The following STK17B variants were observed in gnomAD, a reference collection of about 807,000 sequenced individuals.
STK17B encodes the protein serine/threonine kinase 17b.
STK17B carries 21 observed loss-of-function variants against 42.0 expected under a neutral mutation model. That is an observed-to-expected ratio of 0.50 (90% CI 0.35 to 0.72). The LOEUF is 0.72. Among genes scored for constraint, STK17B ranks in the 30% least tolerant of loss-of-function variants. The probability of loss-of-function intolerance (pLI) is 0.00; values close to 1 mark genes in which losing one functional copy is unlikely to be tolerated. For missense variants in STK17B, 349 were observed against 446.0 expected, an observed-to-expected ratio of 0.78 and a Z score of 1.96; for synonymous variants, 143 against 148.4, an observed-to-expected ratio of 0.96 and a Z score of 0.26.
At chr2:196,159,027 A>T (rs961665471) in intron 2 of STK17B, among the ~76,000 whole-genome samples, 2 of 151,750 alleles carry the variant, frequency 1.3e-5, no homozygotes, top group Non-Finnish European at 2.9e-5. Flanking sequence ...AAAAAAAACA[A>T]AAAAACAGTT....
At chr2:196,174,632 A>G (rs570150924), upstream of STK17B, among the ~76,000 whole-genome samples, 1 of 152,302 alleles carries the variant, frequency 6.6e-6, no homozygotes, top group Admixed American at 6.5e-5. Flanking sequence ...CCCCCCACCC[A>G]ACAGGGGTGC....
chr2:196,138,656 A>G (rs1575169564), intron 7 of STK17B, among the ~76,000 whole-genome samples: 1 of 151,896 alleles, frequency 6.6e-6, no homozygotes, highest in Admixed American at 6.5e-5. Flanking sequence ...GCTCACCACA[A>G]CCTCTGCTTT....
chr2:196,164,348 G>C (rs1699851339), intron 1 of STK17B, among the ~76,000 whole-genome samples: 1 of 152,098 alleles, frequency 6.6e-6, no homozygotes, highest in Non-Finnish European at 1.5e-5. Context: ...TAATTTTGTT[G>C]GAAGAGTGAC....
At chr2:196,167,120 C>T (rs1050645711) in intron 1 of STK17B, among the ~76,000 whole-genome samples, 4 of 152,224 alleles carry the variant, frequency 2.6e-5, no homozygotes, top group Non-Finnish European at 5.9e-5. Context: ...TCTTCTTACA[C>T]ATCCTTCAAA....
At chr2:196,171,272 A>T (rs1699939225) in intron 1 of STK17B, 61 bp downstream of exon 1, 1 of 152,498 alleles carries the variant, frequency 6.6e-6, no homozygotes, top group East Asian at 1.9e-4. Context: ...AGGTCTCTGT[A>T]CCGAGGCGGC....
intron 3 of STK17B, chr2:196,153,871 AT>A (rs1699701719): frequency 2.6e-5 from 4 of 152,220 alleles, no homozygotes; most frequent in Non-Finnish European, 4.4e-5. Context: ...CATGTGTTAG[AT>A]TAATTTAAAA....
chr2:196,156,705 G>GT (rs1486296257), intron 2 of STK17B, 54 bp from the exon 3 acceptor site: 2 of 1,353,510 alleles, frequency 1.5e-6, no homozygotes, highest in African/African-American at 2.9e-5. Flanking sequence ...AACAACGTTA[G>GT]TATATTACAG....
upstream of STK17B, among the ~76,000 whole-genome samples, chr2:196,171,839 G>A (rs1014981273): frequency 4.0e-5 from 6 of 151,292 alleles, no homozygotes; most frequent in African/African-American, 1.2e-4. Context: ...GGGCGGAGGG[G>A]GCGGCGCTGC....
chr2:196,146,253 T>C (rs1559410220), intron 3 of STK17B, among the ~76,000 whole-genome samples, 198 bp from the exon 4 acceptor site: 2 of 152,178 alleles, frequency 1.3e-5, no homozygotes, highest in Non-Finnish European at 1.5e-5. Flanking sequence ...ATGTCTGTAA[T>C]ACCAGCACTT....
chr2:196,173,042 A>G (rs979296538), upstream of STK17B, among the ~76,000 whole-genome samples: 4 of 152,108 alleles, frequency 2.6e-5, no homozygotes, highest in South Asian at 6.2e-4. Context: ...TCAACATTTC[A>G]TCAATTGCCA....
rs1699406110 is a variant in STK17B at position 196,136,390 on chromosome 2, T to C, written c.*1057A>G. On this transcript the variant is annotated 3_prime_UTR_variant, in exon 8 of 8. Transcript: ENST00000263955. ...TGAGCCTCCTCACTCACTAGGAATT[T>C]CACACAAGAACTTCAGACGAGCCTG... The C allele has an allele frequency of 1.3e-5, 2 of 152,582 alleles. No homozygotes were observed. Among genetic ancestry groups the C allele is most frequent in the African/African-American group, 4.8e-5 (2 of 41,450 alleles). The allele number at this position is 152,582 out of a possible 1,614,324, so 9.5% of individuals were successfully genotyped here. A position where few individuals can be genotyped will look rare whatever the true frequency, so the allele number is the denominator to read the frequency against.
At chr2:196,137,967 A>G (rs902208766) in intron 7 of STK17B, among the ~76,000 whole-genome samples, 1 of 152,182 alleles carries the variant, frequency 6.6e-6, no homozygotes, top group Admixed American at 6.5e-5. Context: ...TAACAATCAT[A>G]ACAAACTCAT....
intron 1 of STK17B, among the ~76,000 whole-genome samples, chr2:196,167,627 T>G (rs889854584): frequency 3.3e-5 from 5 of 152,250 alleles, no homozygotes; most frequent in African/African-American, 1.2e-4. Flanking sequence ...TATAATGTAA[T>G]GCCAATAGAC....
At chr2:196,142,763 T>C (rs1699511133) in intron 5 of STK17B, among the ~76,000 whole-genome samples, 2 of 152,244 alleles carry the variant, frequency 1.3e-5, no homozygotes, top group African/African-American at 4.8e-5. Context: ...AAGTTAGTAA[T>C]TTTCTCTGCT....
At chr2:196,141,563 G>GCAGGAGAATCC (rs1699494286) in intron 5 of STK17B, among the ~76,000 whole-genome samples, 1 of 152,196 alleles carries the variant, frequency 6.6e-6, no homozygotes. Flanking sequence ...GGAGGCTGAG[G>GCAGGAGAATCC]CAGGAGAATC....
chr2:196,167,259 T>C lies in STK17B; in HGVS notation c.-44-3832A>G, dbSNP rs1012506445. ...CTTCTTTACCTCAAAATGTAACATG[T>C]TAGATTGCAATTCTGTTCAGTGTTT... On this transcript the variant is annotated intron_variant, in intron 1 of 7. Coordinates refer to ENST00000263955, the MANE Select transcript of STK17B (RefSeq NM_004226.4). Among the ~76,000 whole-genome samples the C allele has an allele frequency of 2.0e-5, 3 of 152,190 alleles. No individual in the cohort carries two copies. In the East Asian group the frequency reaches 5.8e-4, roughly 29 times the overall value.
upstream of STK17B, among the ~76,000 whole-genome samples, chr2:196,173,948 C>T (rs1350040884): frequency 6.6e-6 from 1 of 152,086 alleles, no homozygotes; most frequent in Non-Finnish European, 1.5e-5. Flanking sequence ...TCCAAGATGA[C>T]TGGTGTCCTG....
intron 1 of STK17B, among the ~76,000 whole-genome samples, chr2:196,167,331 A>G (rs1699885876): frequency 2.0e-5 from 3 of 152,250 alleles, no homozygotes; most frequent in Non-Finnish European, 4.4e-5. Flanking sequence ...CCAGCATGGT[A>G]TCTGCCACCC....
intron 2 of STK17B, among the ~76,000 whole-genome samples, chr2:196,160,158 G>C (rs1699792689): frequency 1.3e-5 from 2 of 152,118 alleles, no homozygotes; most frequent in African/African-American, 4.8e-5. Context: ...AAAAAGGCAA[G>C]GCTAACTAGA....
Sources: gnomAD v4.1 joint callset for allele counts (sites outside exome capture counted in the v4.1 genomes callset) on GRCh38, gnomAD v4.1.1 for gene constraint, MANE v1.5 for transcripts, NCBI Gene and HGNC (gene_info 2026-07-23, HGNC 2026-07-21) for gene names.